Variants in DMD observed in about 807,000 individuals in gnomAD.
DMD encodes dystrophin.
A neutral mutation model predicts 330.1 loss-of-function variants in DMD; 63 were observed. The observed-to-expected ratio is 0.19, with a 90% CI of 0.16 to 0.24. The LOEUF is 0.24. DMD is among the 10% of genes least tolerant of loss of function. DMD has a pLI of 1.00. For missense variants in DMD, 3,344 were observed against 2,684.1 expected, an observed-to-expected ratio of 1.25 and a Z score of -5.43; for synonymous variants, 1,223 against 959.8, an observed-to-expected ratio of 1.27 and a Z score of -5.07.
intron 49 of DMD, among the ~76,000 whole-genome samples, chrX:31,833,156 C>G (rs1344803969): frequency 1.8e-5 from 2 of 109,444 alleles, no homozygotes; most frequent in Non-Finnish European, 3.8e-5. Context: ...ATAACTTTAG[C>G]AAAATTTTAA....
At chrX:31,257,655 T>C (rs895958246) in intron 63 of DMD, among the ~76,000 whole-genome samples, 1 of 112,427 alleles carries the variant, frequency 8.9e-6, no homozygotes, top group Non-Finnish European at 1.9e-5. Flanking sequence ...ATCTCAAGGA[T>C]GTAGGCAGGC....
intron 60 of DMD, among the ~76,000 whole-genome samples, chrX:31,394,711 T>A (rs2060833026): frequency 9.0e-6 from 1 of 111,394 alleles, no homozygotes; most frequent in African/African-American, 3.3e-5. Flanking sequence ...GGAGAATTGC[T>A]TGAACCCGGG....
At chrX:31,360,951 A>C (rs777665691) in intron 60 of DMD, among the ~76,000 whole-genome samples, 1 of 111,666 alleles carries the variant, frequency 9.0e-6, no homozygotes, top group African/African-American at 3.3e-5. Context: ...GGTAACTGTT[A>C]CTTATTTGTA....
At chrX:32,356,867 T>C (rs2097803040) in intron 37 of DMD, among the ~76,000 whole-genome samples, 1 of 112,002 alleles carries the variant, frequency 8.9e-6, no homozygotes, top group East Asian at 2.8e-4. Context: ...TATAACTTGA[T>C]GCATATTTTA....
chrX:31,154,416 C>T (rs758292836), intron 74 of DMD, among the ~76,000 whole-genome samples: 1 of 109,864 alleles, frequency 9.1e-6, no homozygotes, highest in Non-Finnish European at 1.9e-5. Flanking sequence ...CCTCAGCCTC[C>T]AGAGTCACTG....
chrX:32,836,714 A>C (rs1358008559), intron 4 of DMD, among the ~76,000 whole-genome samples: 1 of 111,664 alleles, frequency 9.0e-6, no homozygotes, highest in African/African-American at 3.3e-5. Flanking sequence ...TCCTTCACAA[A>C]TGTAGTTTTA....
chrX:31,845,425 C>CTCTCTCTCTCT (rs35394288), intron 48 of DMD, among the ~76,000 whole-genome samples: 2 of 100,749 alleles, frequency 2.0e-5, no homozygotes. Context: ...CTCTCTCTCT[C>CTCTCTCTCTCT]CCTCTCCTCC....
chrX:33,045,921 G>A (rs1406314828), intron 1 of DMD, among the ~76,000 whole-genome samples: 2 of 111,255 alleles, frequency 1.8e-5, no homozygotes, highest in East Asian at 5.7e-4. Context: ...GTCTTTCAAG[G>A]GTGTGGTAAT....
chrX:31,294,449 TC>T (rs1433057266), intron 62 of DMD, among the ~76,000 whole-genome samples: 1 of 112,324 alleles, frequency 8.9e-6, no homozygotes, highest in Admixed American at 9.4e-5. Flanking sequence ...GACCATGGGA[TC>T]AGGTATCAGA....
intron 60 of DMD, among the ~76,000 whole-genome samples, chrX:31,423,200 G>A (rs1465760389): frequency 9.0e-6 from 1 of 111,333 alleles, no homozygotes; most frequent in Non-Finnish European, 1.9e-5. Flanking sequence ...TACCTGACAG[G>A]GTAATGACAG....
intron 1 of DMD, among the ~76,000 whole-genome samples, chrX:33,047,235 GGA>G (rs2094395576): frequency 8.9e-6 from 1 of 112,175 alleles, no homozygotes; most frequent in African/African-American, 3.2e-5. Flanking sequence ...TGCTGACAAA[GGA>G]GAGTAAACAA....
intron 59 of DMD, among the ~76,000 whole-genome samples, chrX:31,457,468 G>A (rs1245627054): frequency 9.0e-6 from 1 of 111,422 alleles, no homozygotes; most frequent in African/African-American, 3.3e-5. Flanking sequence ...TAAGGCTAAT[G>A]GATATCATTT....
chrX:32,336,163 G>T (rs2097714220), intron 41 of DMD, among the ~76,000 whole-genome samples: 1 of 109,690 alleles, frequency 9.1e-6, no homozygotes, highest in Non-Finnish European at 1.9e-5. Context: ...ATCTGTGTGT[G>T]TATAACATGT....
rs1433501099 is a variant in DMD, at chrX:32,348,527, G to C, written c.5327C>G (p.Ala1776Gly). The change falls in exon 38 of 79, where the codon GCC becomes GGC. Residue 1776 changes from alanine (A) to glycine (G), a missense_variant and splice_region_variant. Ala to Gly is a moderately conservative substitution (Grantham distance 60). Transcript: ENST00000357033. ...CTCCAATTCCTTCAAAGGAATGGAG[G>C]CCTAAAAAAAAAGATAGTGCTACTT... ...AISHRIKTGKASIPLKELEQF... is the reference protein window; with the variant it reads ...AISHRIKTGKGSIPLKELEQF... The C allele has an allele frequency of 1.7e-6, 2 of 1,195,633 alleles. No homozygotes were observed. The highest frequency in any genetic ancestry group is 3.6e-5 in the South Asian group (2 of 55,162).
intron 62 of DMD, among the ~76,000 whole-genome samples, chrX:31,295,419 T>TTTTG (rs764149867): frequency 2.7e-5 from 3 of 110,927 alleles, no homozygotes; most frequent in Admixed American, 9.6e-5. Flanking sequence ...AATTCAATAT[T>TTTTG]TTTGTTTGTT....
chrX:31,953,318 T>C (rs1435634089), intron 45 of DMD, among the ~76,000 whole-genome samples: 1 of 112,096 alleles, frequency 8.9e-6, no homozygotes. Context: ...CTGACAATGC[T>C]TCTGGACATG....
chrX:32,465,301 C>A (rs572441956), intron 23 of DMD, among the ~76,000 whole-genome samples: 3 of 111,170 alleles, frequency 2.7e-5, no homozygotes, highest in African/African-American at 9.8e-5. Context: ...GATTCTTTCC[C>A]GTATTACCTT....
intron 7 of DMD, among the ~76,000 whole-genome samples, chrX:32,721,355 C>A (rs780658856): frequency 1.0e-4 from 11 of 110,268 alleles, no homozygotes; most frequent in African/African-American, 3.3e-4. Context: ...TTCCTCCTTG[C>A]CTTTACTGGC....
At chrX:32,497,859 A>G (rs2148668387) in intron 19 of DMD, among the ~76,000 whole-genome samples, 1 of 111,768 alleles carries the variant, frequency 8.9e-6, no homozygotes, top group African/African-American at 3.2e-5. Flanking sequence ...CAGTTTAAAG[A>G]CTGTTCAAAT....
Sources: allele counts gnomAD v4.1 joint callset (sites outside exome capture counted in the v4.1 genomes callset), GRCh38; gene constraint gnomAD v4.1.1; transcripts MANE v1.5; gene names NCBI Gene and HGNC (gene_info 2026-07-23, HGNC 2026-07-21).